Variants in THADA observed in about 807,000 individuals in gnomAD.
The protein encoded by THADA is THADA armadillo repeat containing, also known as tRNA (32-2'-O)-methyltransferase regulator THADA.
In THADA, 213 loss-of-function variants were observed where a neutral mutation model predicts 219.8. That is an observed-to-expected ratio of 0.97 (90% CI 0.87 to 1.09). THADA has a LOEUF of 1.09. Among genes scored for constraint, THADA ranks in the 50% least tolerant of loss-of-function variants. The pLI, the probability that THADA is intolerant of heterozygous loss-of-function variation, is 0.00. For synonymous variants in THADA, 1,018 were observed against 828.9 expected (o/e 1.23, Z -3.92); for missense variants, 2,956 against 2,311.3 (o/e 1.28, Z -5.72).
At chr2:43,238,414 C>T (rs561333247) in intron 36 of THADA, among the ~76,000 whole-genome samples, 70 of 152,218 alleles carry the variant, frequency 4.6e-4, no homozygotes, top group African/African-American at 1.7e-3. Flanking sequence ...CAAATCAAAA[C>T]CCCAGTCACA....
chr2:43,513,448 A>T (rs1690752628), intron 22 of THADA, among the ~76,000 whole-genome samples: 2 of 152,254 alleles, frequency 1.3e-5, no homozygotes, highest in African/African-American at 4.8e-5. Context: ...TAGAAGCAGT[A>T]GTGGCAGCCA....
At chr2:43,362,648 A>C (rs1394405321) in intron 29 of THADA, among the ~76,000 whole-genome samples, 1 of 152,152 alleles carries the variant, frequency 6.6e-6, no homozygotes, top group Non-Finnish European at 1.5e-5. Context: ...ACCACCGTAG[A>C]CTTTACGAAT....
chr2:43,323,662 T>C (rs1573066272), intron 30 of THADA, among the ~76,000 whole-genome samples: 1 of 152,156 alleles, frequency 6.6e-6, no homozygotes, highest in East Asian at 1.9e-4. Context: ...CCTGAGAATT[T>C]TGACTAGTTT....
In THADA at chr2:43,556,493, T is replaced by C. The variant is rs778773655; in HGVS notation, c.2526A>G (p.Pro842=). 1.9e-6 allele frequency: 3 copies of C among 1,613,828 alleles called. No homozygotes were observed. The highest frequency in any genetic ancestry group is 2.2e-5 in the East Asian group (1 of 44,896). ...AALELSTSTK[P]YDCVTASYLL... is the part of the protein sequence containing the mutation. ...GGTAGGAAGCTGTCACACAGTCGTA[T>C]GGTTTGGTGCTTGTGCTGAGCTCCA... The change falls in exon 17 of 38, where the codon CCA becomes CCG. Residue 842 remains proline, a synonymous_variant. Coordinates refer to ENST00000405975, the MANE Select transcript of THADA (RefSeq NM_022065.5).
chr2:43,578,469 C>T (rs6759861), intron 9 of THADA, 44 bp downstream of exon 9: 1 of 1,494,968 alleles, frequency 6.7e-7, no homozygotes, highest in African/African-American at 1.4e-5. Context: ...TAAACATACC[C>T]TAACTCTCAA....
chr2:43,401,447 T>G (rs1455873414), intron 28 of THADA, among the ~76,000 whole-genome samples: 2 of 152,056 alleles, frequency 1.3e-5, no homozygotes, highest in African/African-American at 4.8e-5. Flanking sequence ...CCCAGCTAAT[T>G]TTTTTTATTT....
chr2:43,234,288 C>T (rs921134829), intron 36 of THADA, among the ~76,000 whole-genome samples: 1 of 152,170 alleles, frequency 6.6e-6, no homozygotes, highest in African/African-American at 2.4e-5. Flanking sequence ...GGGGTAGTGA[C>T]CCTGCAGTAG....
intron 26 of THADA, among the ~76,000 whole-genome samples, chr2:43,442,263 C>T (rs1169268270): frequency 6.6e-6 from 1 of 152,074 alleles, no homozygotes; most frequent in South Asian, 2.1e-4. Context: ...TGGTGAAACC[C>T]TGTCTCTACT....
At chr2:43,590,340 G>A (rs1303094676) in intron 4 of THADA, among the ~76,000 whole-genome samples, 1 of 152,150 alleles carries the variant, frequency 6.6e-6, no homozygotes, top group African/African-American at 2.4e-5. Flanking sequence ...CCCACAGCCT[G>A]TTTATTAAGC....
At chr2:43,322,466 T>C (rs1359556656) in intron 30 of THADA, among the ~76,000 whole-genome samples, 1 of 151,598 alleles carries the variant, frequency 6.6e-6, no homozygotes, top group Non-Finnish European at 1.5e-5. Flanking sequence ...ATCATGCCAC[T>C]GCATGCCAGC....
chr2:43,551,852 C>A lies in THADA; in HGVS notation c.2884G>T (p.Val962Leu). 1 of 1,613,902 alleles carries A rather than the reference C, an allele frequency of 6.2e-7. No individual in the cohort carries two copies. The highest frequency in any genetic ancestry group is 8.5e-7 in the Non-Finnish European group (1 of 1,179,874). Residue 962 changes from valine (V) to leucine (L), a missense_variant, in exon 19 of 38, where the codon GTG becomes TTG. By Grantham distance (32) the Val-to-Leu change is conservative. Transcript: ENST00000405975. ...GAGCTCTGAATGACTGGAGACACCA[C>A]AGTGGAAAGCCTGTAGGACATCAAA... Reference protein sequence around the residue: ...LLLMSYRLSTVVSPVIQSSSP... With the variant: ...LLLMSYRLSTLVSPVIQSSSP...
chr2:43,413,347 T>C (rs1027910094), intron 28 of THADA, among the ~76,000 whole-genome samples: 1 of 152,056 alleles, frequency 6.6e-6, no homozygotes, highest in Non-Finnish European at 1.5e-5. Flanking sequence ...CCATCACCAG[T>C]GAGGCTAAGA....
chr2:43,452,006 C>G (rs1026308556), intron 26 of THADA, among the ~76,000 whole-genome samples: 1 of 152,124 alleles, frequency 6.6e-6, no homozygotes, highest in Non-Finnish European at 1.5e-5. Context: ...ACTCGGGAGG[C>G]TGAGGCAGGA....
chr2:43,337,575 G>A (rs1043819003), intron 30 of THADA, among the ~76,000 whole-genome samples: 2 of 152,048 alleles, frequency 1.3e-5, no homozygotes, highest in Admixed American at 1.3e-4. Flanking sequence ...TAGGCAGATG[G>A]ACTTTTTTAG....
chr2:43,290,282 T>C (rs907394309), intron 34 of THADA, among the ~76,000 whole-genome samples: 11 of 151,950 alleles, frequency 7.2e-5, no homozygotes, highest in African/African-American at 2.7e-4. Context: ...GTTTTTTTTT[T>C]TCCCCTTCCT....
intron 21 of THADA, among the ~76,000 whole-genome samples, chr2:43,538,979 G>A (rs756310638): frequency 6.6e-6 from 1 of 152,160 alleles, no homozygotes; most frequent in Non-Finnish European, 1.5e-5. Flanking sequence ...ATTTTAAACG[G>A]ACTGTCATCT....
intron 28 of THADA, among the ~76,000 whole-genome samples, chr2:43,400,478 A>ATATATATATATATATATATATAT (rs10687373): frequency 0.011 from 1,233 of 116,336 alleles, 75 homozygotes; most frequent in South Asian, 0.013. Flanking sequence ...TATATATATA[A>ATATATATATATATATATATATAT]ATATATACAC....
At chr2:43,397,458 C>T (rs1217589242) in intron 29 of THADA, among the ~76,000 whole-genome samples, 1 of 152,042 alleles carries the variant, frequency 6.6e-6, no homozygotes, top group Non-Finnish European at 1.5e-5. Context: ...TAAACTTGTA[C>T]ATTTATTCAA....
At chr2:43,545,158 T>C (rs1695857274) in intron 20 of THADA, among the ~76,000 whole-genome samples, 1 of 152,098 alleles carries the variant, frequency 6.6e-6, no homozygotes, top group African/African-American at 2.4e-5. Flanking sequence ...TTCGTTCTGT[T>C]TATATCCTGG....
Sources: allele counts gnomAD v4.1 joint callset (sites outside exome capture counted in the v4.1 genomes callset), GRCh38; gene constraint gnomAD v4.1.1; transcripts MANE v1.5; gene names NCBI Gene and HGNC (gene_info 2026-07-23, HGNC 2026-07-21).